VEGFA: variants seen among roughly 807,000 people sequenced by gnomAD.
VEGFA encodes the protein vascular endothelial growth factor A.
A neutral mutation model predicts 49.7 loss-of-function variants in VEGFA; 20 were observed. The observed-to-expected ratio is 0.40, with a 90% CI of 0.28 to 0.58. The LOEUF is 0.58. VEGFA is among the 20% of genes least tolerant of loss of function. The pLI, the probability that VEGFA is intolerant of heterozygous loss-of-function variation, is 0.40. For synonymous variants in VEGFA, 219 were observed against 223.4 expected (o/e 0.98, Z 0.18); for missense variants, 505 against 553.5 (o/e 0.91, Z 0.88).
At chr6:43,776,062 G>A (rs560997650) in intron 2 of VEGFA, 4 of 152,318 alleles carry the variant, frequency 2.6e-5, no homozygotes, top group African/African-American at 7.2e-5. Context: ...CACTTAAGAT[G>A]CTTTGGTGAA....
Position 43,781,957 on chromosome 6 carries a change from C to A in VEGFA, c.1036C>A (p.Pro346Thr). 3 of 1,613,904 alleles carry A rather than the reference C, an allele frequency of 1.9e-6. No individual in the cohort carries two copies. The highest frequency in any genetic ancestry group is 2.2e-5 in the South Asian group (2 of 91,050). Residue 346 changes from proline to threonine, a missense_variant and splice_region_variant, in exon 7 of 8, where the codon CCC becomes ACC. Pro to Thr is a conservative substitution (Grantham distance 38, BLOSUM62 -1). Coordinates refer to ENST00000672860, the MANE Select transcript of VEGFA (RefSeq NM_003376.6). ...GTCTTTCCTTTTGCCTTTTTGCAGTCCCTGTGGGCCTTGCTCAGAGCGGAG... is the reference window on the plus strand; with the variant it reads ...GTCTTTCCTTTTGCCTTTTTGCAGTACCTGTGGGCCTTGCTCAGAGCGGAG...
Position 43,784,896 on chromosome 6 carries a change from A to T in VEGFA, c.*334A>T. 2.1e-6 allele frequency: 1 copy of T among 487,586 alleles called. No homozygotes were observed. The highest frequency in any genetic ancestry group is 3.7e-6 in the Non-Finnish European group (1 of 269,700). The allele number at this position is 487,586 out of a possible 1,614,324, so 30.2% of individuals were successfully genotyped here. A position where few individuals can be genotyped will look rare whatever the true frequency, so the allele number is the denominator to read the frequency against. On this transcript the variant is annotated 3_prime_UTR_variant, in exon 8 of 8. Transcript: ENST00000672860. ...AGTTTTATTTCTGGGATTCCTGTAG[A>T]CACACCCACCCACATACATACATTT...
Position 43,777,085 on chromosome 6 carries a change from A to G in VEGFA, c.659-384A>G. ...AGGAAACTGGAGACTAGCTTGGCAA[A>G]GCTGGCTCTTCCTCCTTTTAGGGAA... On this transcript the variant is annotated intron_variant, in intron 2 of 7. Transcript: ENST00000672860. The surrounding 1 kb of genome is among the most constrained non-coding windows in gnomAD (Gnocchi z 4.3). 1 of 354,360 alleles carries G rather than the reference A, an allele frequency of 2.8e-6. No individual in the cohort carries two copies. The highest frequency in any genetic ancestry group is 5.5e-6 in the Non-Finnish European group (1 of 180,688). The allele number at this position is 354,360 out of a possible 1,614,324, so 22.0% of individuals were successfully genotyped here.
rs1769418449 is a variant in VEGFA at position 43,786,167 on chromosome 6, G to T, written c.*1605G>T. The T allele has an allele frequency of 5.6e-6, 1 of 177,264 alleles. No homozygotes were observed. The highest frequency in any genetic ancestry group is 1.2e-5 in the Non-Finnish European group (1 of 82,872). 11.0% of individuals were successfully genotyped at this position (177,264 alleles called of 1,614,324 possible). On this transcript the variant is annotated 3_prime_UTR_variant, in exon 8 of 8. Coordinates refer to ENST00000672860, the MANE Select transcript of VEGFA (RefSeq NM_003376.6). ...TGTATATATATATATATATGTTTAT[G>T]TATATATGTGATTCTGATAAAATAG...
chr6:43,780,600 T>C, intron 5 of VEGFA, 132 bp from the exon 6 acceptor site: 1 of 1,366,232 alleles, frequency 7.3e-7, no homozygotes, highest in Non-Finnish European at 1.0e-6. Flanking sequence ...ACCTGCCTCC[T>C]GACACTTCCT....
chr6:43,777,411 G>GGGGC lies in VEGFA; in HGVS notation c.659-57_659-54dup. The GGGGC allele has an allele frequency of 6.3e-7, 1 of 1,597,898 alleles. No homozygotes were observed. The highest frequency in any genetic ancestry group is 8.6e-7 in the Non-Finnish European group (1 of 1,168,308). On this transcript the variant is annotated intron_variant, in intron 2 of 7. Coordinates refer to ENST00000672860, the MANE Select transcript of VEGFA (RefSeq NM_003376.6). This position sits in a 1 kb window ranked among gnomAD's most constrained non-coding sequence, Gnocchi z 4.3. ...GGCATTACAGAGCTGGGTGGAGAGAGGGGCTAGCCATCTTTTGTGTCGCCC... is the reference window on the plus strand; with the variant it reads ...GGCATTACAGAGCTGGGTGGAGAGAGGGGCGGGCTAGCCATCTTTTGTGTCGCCC...
Position 43,782,020 on chromosome 6 carries a change from T to A in VEGFA, c.1099T>A (p.Cys367Ser), listed in dbSNP as rs1287276985. Residue 367 changes from cysteine (C) to serine (S), a missense_variant, in exon 7 of 8, where the codon TGT becomes AGT. By Grantham distance (112) the Cys-to-Ser change is moderately radical. Around this residue, in one of 2 missense-constraint regions of VEGFA, gnomAD observed 165 missense variants for 231.7 expected, o/e 0.71. Transcript: ENST00000672860. ...TGTACAAGATCCGCAGACGTGTAAA[T>A]GTTCCTGCAAAAACACAGACTCGCG... 6.2e-7 allele frequency: 1 copy of A among 1,613,988 alleles called. No homozygotes were observed. The highest frequency in any genetic ancestry group is 1.3e-5 in the African/African-American group (1 of 74,902).
At position 43,777,470 on chromosome 6, in the gene VEGFA, G is replaced by A; in HGVS notation, c.660G>A (p.Val220=). The A allele has an allele frequency of 6.2e-7, 1 of 1,613,944 alleles. No individual in the cohort carries two copies. Among genetic ancestry groups the A allele is most frequent in the Non-Finnish European group, 8.5e-7 (1 of 1,180,028 alleles). ...CATGTGTCATCGCCTCTCATGCAGT[G>A]GTGAAGTTCATGGATGTCTATCAGC... is the stretch of plus-strand genomic sequence containing the variant. The change falls in exon 3 of 8, where the codon GTG becomes GTA. Residue 220 remains valine, a splice_region_variant and synonymous_variant. Coordinates refer to ENST00000672860, the MANE Select transcript of VEGFA (RefSeq NM_003376.6). The surrounding 1 kb of genome is among the most constrained non-coding windows in gnomAD (Gnocchi z 4.3).
chr6:43,779,703 C>T (rs776876934), intron 5 of VEGFA: 19 of 470,274 alleles, frequency 4.0e-5, no homozygotes, highest in South Asian at 2.9e-4. Flanking sequence ...CTCCCAGCTT[C>T]CAGAGCGAGG....
At chr6:43,772,334 G>C (rs1300638565) in intron 1 of VEGFA, among the ~76,000 whole-genome samples, 3 of 152,226 alleles carry the variant, frequency 2.0e-5, no homozygotes, top group Non-Finnish European at 4.4e-5. Flanking sequence ...ATCACTGTCA[G>C]AAGTCGTGGC....
chr6:43,781,236 G>A, intron 6 of VEGFA: 1 of 365,980 alleles, frequency 2.7e-6, no homozygotes, highest in Non-Finnish European at 5.2e-6. Flanking sequence ...AATGACTGGA[G>A]GCAGCTTGCT....
At chr6:43,779,002 T>A in intron 5 of VEGFA, 84 bp downstream of exon 5, 1 of 1,559,388 alleles carries the variant, frequency 6.4e-7, no homozygotes, top group Non-Finnish European at 8.8e-7. Context: ...TGTTGGGGGC[T>A]CCCATAGCCT....
In VEGFA at chr6:43,785,128, T is replaced by TC. The variant is rs1440234937; in HGVS notation, c.*567dup. The TC allele has an allele frequency of 1.1e-4, 22 of 192,756 alleles. No homozygotes were observed. Among genetic ancestry groups the TC allele is most frequent in the Non-Finnish European group, 4.3e-5 (4 of 92,158 alleles). The allele number at this position is 192,756 out of a possible 1,614,324, so 11.9% of individuals were successfully genotyped here. On this transcript the variant is annotated 3_prime_UTR_variant, in exon 8 of 8. Coordinates refer to ENST00000672860, the MANE Select transcript of VEGFA (RefSeq NM_003376.6). ...GAGGAGATGAGAGACTCTGGCATGA[T>TC]CTTTTTTTTGTCCCACTTGGTGGGG...
chr6:43,771,322 C>T lies in VEGFA; in HGVS notation c.606+10C>T, dbSNP rs368682206. The T allele has an allele frequency of 1.1e-4, 175 of 1,596,292 alleles. 3 individuals are homozygous for T. The South Asian group carries it at 1.9e-3, about 17-fold the overall frequency. On this transcript the variant is annotated intron_variant, in intron 1 of 7. Coordinates refer to ENST00000672860, the MANE Select transcript of VEGFA (RefSeq NM_003376.6). The stretch of plus-strand genomic sequence containing the variant: ...CCTCCACCATGCCAAGGTAAGCGGT[C>T]GTGCCCTGCTGGCGCCGCGGGCCGC...
intron 5 of VEGFA, chr6:43,779,552 T>G (rs937913024): frequency 5.3e-6 from 2 of 380,638 alleles, no homozygotes; most frequent in African/African-American, 4.2e-5. Flanking sequence ...GCGGCTGGCA[T>G]CAGCAAGAGC....
At position 43,771,077 on chromosome 6, in the gene VEGFA, C is replaced by G. The variant is rs2127996615; in HGVS notation, c.371C>G (p.Ala124Gly). ...CCGGGCTCATGGACGGGTGAGGCGG[C>G]GGTGTGCGCAGACAGTGCTCCAGCC... The change falls in exon 1 of 8, where the codon GCG (alanine) becomes GGG (glycine). Residue 124 changes from alanine (A) to glycine (G), a missense_variant. This residue lies in a region of VEGFA where 340 missense variants were observed against 321.8 expected (regional missense o/e 1.06). Transcript: ENST00000672860. 6.7e-7 allele frequency: 1 copy of G among 1,495,856 alleles called. No homozygotes were observed. 92.7% of individuals were successfully genotyped at this position (1,495,856 alleles called of 1,614,324 possible). A position where few individuals can be genotyped will look rare whatever the true frequency, so the allele number is the denominator to read the frequency against.
At chr6:43,775,299 T>A (rs936983018) in intron 2 of VEGFA, 4 of 149,928 alleles carry the variant, frequency 2.7e-5, no homozygotes, top group Non-Finnish European at 5.9e-5. Flanking sequence ...CCCAGTGGTC[T>A]CTGGTCTGGG....
At chr6:43,774,489 G>T in intron 2 of VEGFA, 97 bp downstream of exon 2, 1 of 1,402,002 alleles carries the variant, frequency 7.1e-7, no homozygotes, top group Non-Finnish European at 1.0e-6. Flanking sequence ...GGAGGAAGGG[G>T]AAGGGGCACA....
intron 1 of VEGFA, 182 bp from the exon 2 acceptor site, chr6:43,774,159 G>T: frequency 5.9e-6 from 4 of 676,344 alleles, no homozygotes; most frequent in Non-Finnish European, 1.1e-5. Context: ...AGCAGTCCAG[G>T]AGTGGTGGGC....
Sources: allele counts gnomAD v4.1 joint callset (sites outside exome capture counted in the v4.1 genomes callset), GRCh38; gene constraint gnomAD v4.1.1; regional missense constraint gnomAD v4.1.1; non-coding constraint Gnocchi (gnomAD v3.1); transcripts MANE v1.5; gene names NCBI Gene and HGNC (gene_info 2026-07-23, HGNC 2026-07-21).